PAK5: variants seen among roughly 807,000 people sequenced by gnomAD.
The protein encoded by PAK5 is p21 (RAC1) activated kinase 5.
PAK5 carries 16 observed loss-of-function variants against 65.9 expected under a neutral mutation model. The observed-to-expected ratio is 0.24, with a 90% CI of 0.16 to 0.37. The LOEUF (loss-of-function observed/expected upper bound fraction) is 0.37, where lower values mean the gene tolerates loss of function less well. Among genes scored for constraint, PAK5 ranks in the 10% least tolerant of loss-of-function variants. The probability of loss-of-function intolerance (pLI) is 1.00; values close to 1 mark genes in which losing one functional copy is unlikely to be tolerated. For missense variants in PAK5, 785 were observed against 903.9 expected (o/e 0.87, Z 1.69); for synonymous variants, 371 against 354.9 (o/e 1.05, Z -0.51).
At chr20:9,661,512 G>T (rs967605596) in intron 2 of PAK5, among the ~76,000 whole-genome samples, 1 of 152,132 alleles carries the variant, frequency 6.6e-6, no homozygotes. Flanking sequence ...ATAATGAATT[G>T]TCTCCAATGA....
chr20:9,621,370 T>TA (rs896764104), intron 3 of PAK5, among the ~76,000 whole-genome samples: 40 of 134,998 alleles, frequency 3.0e-4, no homozygotes, highest in African/African-American at 1.1e-3. Context: ...ATAGACAGCT[T>TA]AAAAAAATGT....
intron 3 of PAK5, among the ~76,000 whole-genome samples, chr20:9,632,870 G>A (rs1216778421): frequency 6.6e-6 from 1 of 152,204 alleles, no homozygotes; most frequent in African/African-American, 2.4e-5. Flanking sequence ...GTGATGTGGT[G>A]ATTACAAGCC....
At chr20:9,695,334 A>C (rs1417668018) in intron 2 of PAK5, among the ~76,000 whole-genome samples, 1 of 152,056 alleles carries the variant, frequency 6.6e-6, no homozygotes. Flanking sequence ...TCGTGCTCAA[A>C]GATGTATTTG....
intron 3 of PAK5, among the ~76,000 whole-genome samples, chr20:9,631,570 A>G (rs1216626146): frequency 6.6e-6 from 1 of 152,196 alleles, no homozygotes; most frequent in Non-Finnish European, 1.5e-5. Context: ...AATGAAGCCC[A>G]GCTGGCCCCC....
At chr20:9,698,454 T>C (rs1243153225) in intron 2 of PAK5, among the ~76,000 whole-genome samples, 1 of 152,180 alleles carries the variant, frequency 6.6e-6, no homozygotes, top group Non-Finnish European at 1.5e-5. Context: ...TTCCCATAAC[T>C]AATGATACTT....
intron 3 of PAK5, among the ~76,000 whole-genome samples, chr20:9,604,507 T>C (rs887483874): frequency 6.6e-6 from 1 of 152,184 alleles, no homozygotes; most frequent in Admixed American, 6.5e-5. Context: ...CACTGAAGTA[T>C]GGAGGACAAG....
chr20:9,779,364 A>AATTATATATATG (rs1227722303), intron 1 of PAK5, among the ~76,000 whole-genome samples: 2 of 150,368 alleles, frequency 1.3e-5, no homozygotes, highest in Non-Finnish European at 3.0e-5. Context: ...ATATATATAT[A>AATTATATATATG]TCTAAAATAT....
intron 3 of PAK5, among the ~76,000 whole-genome samples, chr20:9,595,128 G>C (rs71330248): frequency 6.6e-6 from 1 of 150,410 alleles, no homozygotes; most frequent in Non-Finnish European, 1.5e-5. Flanking sequence ...TATATATAGA[G>C]AGAGAGAGAG....
intron 2 of PAK5, among the ~76,000 whole-genome samples, chr20:9,665,168 C>T (rs1430724212): frequency 7.0e-6 from 1 of 143,180 alleles, no homozygotes. Flanking sequence ...GATCCTCCCA[C>T]CTTGGCCTCC....
In PAK5 at chr20:9,839,024, A is replaced by G; in HGVS notation, c.-424T>C. 6.6e-6 allele frequency: 1 copy of G among 151,332 alleles called. No homozygotes were observed. The highest frequency in any genetic ancestry group is 1.5e-5 in the Non-Finnish European group (1 of 67,886). 9.4% of individuals were successfully genotyped at this position (151,332 alleles called of 1,614,324 possible). A position where few individuals can be genotyped will look rare whatever the true frequency, so the allele number is the denominator to read the frequency against. ...CGGAGGACTGTCCATGAGCGTACGC[A>G]GCTGCTCCGGGTTTTCGTGGCAGCC... On this transcript the variant is annotated 5_prime_UTR_variant, in exon 1 of 10. Transcript: ENST00000353224.
intron 1 of PAK5, among the ~76,000 whole-genome samples, chr20:9,713,575 C>T (rs1432106632): frequency 6.6e-6 from 1 of 152,040 alleles, no homozygotes; most frequent in Non-Finnish European, 1.5e-5. Flanking sequence ...ATGTTTATTT[C>T]AGTGCTATTC....
chr20:9,569,775 C>T (rs1343926191), intron 4 of PAK5, among the ~76,000 whole-genome samples: 1 of 149,316 alleles, frequency 6.7e-6, no homozygotes, highest in East Asian at 1.9e-4. Context: ...TTCTCAGTCC[C>T]CCAACACTGC....
intron 2 of PAK5, among the ~76,000 whole-genome samples, chr20:9,646,370 T>A (rs2047135107): frequency 6.6e-6 from 1 of 152,206 alleles, no homozygotes; most frequent in African/African-American, 2.4e-5. Context: ...GGTTGTTACT[T>A]CAGACTAATT....
intron 2 of PAK5, among the ~76,000 whole-genome samples, chr20:9,698,692 G>A (rs948266640): frequency 5.9e-5 from 9 of 152,034 alleles, no homozygotes; most frequent in Non-Finnish European, 8.8e-5. Flanking sequence ...TGTTTCACCC[G>A]GAGCTCAGAG....
chr20:9,665,327 C>T (rs2047402448), intron 2 of PAK5, among the ~76,000 whole-genome samples: 1 of 152,096 alleles, frequency 6.6e-6, no homozygotes, highest in Admixed American at 6.6e-5. Context: ...TTTAATATCT[C>T]ATCCACCCAC....
At chr20:9,710,872 A>C (rs1023448168) in intron 2 of PAK5, among the ~76,000 whole-genome samples, 1 of 152,164 alleles carries the variant, frequency 6.6e-6, no homozygotes, top group Non-Finnish European at 1.5e-5. Flanking sequence ...ATATATCCAC[A>C]TGGATCCTGG....
At chr20:9,699,788 C>T (rs2123458795) in intron 2 of PAK5, among the ~76,000 whole-genome samples, 1 of 152,172 alleles carries the variant, frequency 6.6e-6, no homozygotes. Context: ...ATCAGAGTGC[C>T]TTCCTCTCTA....
chr20:9,686,397 T>C (rs1331109157), intron 2 of PAK5, among the ~76,000 whole-genome samples: 1 of 152,170 alleles, frequency 6.6e-6, no homozygotes, highest in Non-Finnish European at 1.5e-5. Flanking sequence ...GTATCTTTTT[T>C]GTTTTGTTTT....
intron 3 of PAK5, among the ~76,000 whole-genome samples, chr20:9,606,246 C>T (rs1321186446): frequency 6.6e-6 from 1 of 152,186 alleles, no homozygotes; most frequent in Non-Finnish European, 1.5e-5. Flanking sequence ...CTCTCTTCCT[C>T]CTGCTCTAGC....
Sources: gnomAD v4.1 joint callset for allele counts (sites outside exome capture counted in the v4.1 genomes callset) on GRCh38, gnomAD v4.1.1 for gene constraint, MANE v1.5 for transcripts, NCBI Gene and HGNC (gene_info 2026-07-23, HGNC 2026-07-21) for gene names.